The following VPS37A variants were observed in gnomAD, a reference collection of about 807,000 sequenced individuals.
VPS37A encodes the protein VPS37A subunit of ESCRT-I, also known as vacuolar protein sorting-associated protein 37A.
In VPS37A, 30 loss-of-function variants were observed where a neutral mutation model predicts 49.8. The observed-to-expected ratio is 0.60, with a 90% CI of 0.45 to 0.82. VPS37A has a LOEUF of 0.82. Among genes scored for constraint, VPS37A ranks in the 40% least tolerant of loss-of-function variants. The pLI, the probability that VPS37A is intolerant of heterozygous loss-of-function variation, is 0.00. For synonymous variants in VPS37A, 195 were observed against 160.6 expected (o/e 1.21, Z -1.62); for missense variants, 593 against 464.4 (o/e 1.28, Z -2.55).
chr8:17,271,885 C>T, intron 4 of VPS37A: 1 of 431,062 alleles, frequency 2.3e-6, no homozygotes, highest in South Asian at 1.7e-5. Flanking sequence ...ATTTGAGAAT[C>T]TTAGGGAAGC....
At chr8:17,273,166 C>A (rs928488898) in intron 4 of VPS37A, among the ~76,000 whole-genome samples, 1 of 148,828 alleles carries the variant, frequency 6.7e-6, no homozygotes, top group Non-Finnish European at 1.5e-5. Flanking sequence ...ATTATAATGT[C>A]TTTAGCAAGC....
chr8:17,308,194 A>G, the VPS37A span, among the ~76,000 whole-genome samples: 1 of 152,074 alleles, frequency 6.6e-6, no homozygotes, highest in Admixed American at 6.5e-5. Flanking sequence ...AAGGTTGCCT[A>G]ATATTAACGT....
At chr8:17,333,439 T>C in the VPS37A span, among the ~76,000 whole-genome samples, 88 of 152,360 alleles carry the variant, frequency 5.8e-4, no homozygotes, top group African/African-American at 2.0e-3. Flanking sequence ...ATAAAATTAA[T>C]AGGAGATTTG....
At chr8:17,326,228 C>G in the VPS37A span, 1 of 152,156 alleles carries the variant, frequency 6.6e-6, no homozygotes, top group African/African-American at 2.4e-5. Flanking sequence ...AATGGTGGTT[C>G]TACCACTTAC....
chr8:17,298,090 A>C (rs568483931), downstream of VPS37A: 2 of 152,196 alleles, frequency 1.3e-5, no homozygotes, highest in East Asian at 3.9e-4. Context: ...AACGGAAGAA[A>C]TTAAAGCCAC....
chr8:17,297,040 AT>A lies in VPS37A; in HGVS notation c.*2060del, dbSNP rs1345697933. On this transcript the variant is annotated 3_prime_UTR_variant, in exon 12 of 12. Coordinates refer to ENST00000324849, the MANE Select transcript of VPS37A (RefSeq NM_152415.3). ...TTTTTGCAACAGAGATTAAGTGACC[AT>A]TTTTTCTAATTTTATGGCTATATAT... The A allele has an allele frequency of 6.6e-6, 1 of 152,130 alleles. No individual in the cohort carries two copies. Among genetic ancestry groups the A allele is most frequent in the African/African-American group, 2.4e-5 (1 of 41,442 alleles). 9.4% of individuals were successfully genotyped at this position (152,130 alleles called of 1,614,324 possible).
In VPS37A at chr8:17,297,499, T is replaced by C. The variant is rs1259030962; in HGVS notation, c.*2513T>C. 1 of 152,102 alleles carries C rather than the reference T, an allele frequency of 6.6e-6. No homozygotes were observed. Among genetic ancestry groups the C allele is most frequent in the Non-Finnish European group, 1.5e-5 (1 of 67,958 alleles). 9.4% of individuals were successfully genotyped at this position (152,102 alleles called of 1,614,324 possible). On this transcript the variant is annotated 3_prime_UTR_variant, in exon 12 of 12. Coordinates refer to ENST00000324849, the MANE Select transcript of VPS37A (RefSeq NM_152415.3). ...ATGGTTTCTGTCTCTGATCATCACC[T>C]TCCATTCTATAAAAAGCTCAGTTAC...
chr8:17,274,990 C>T, intron 5 of VPS37A, 32 bp downstream of exon 5: 1 of 1,586,680 alleles, frequency 6.3e-7, no homozygotes, highest in South Asian at 1.1e-5. Context: ...TATTTTGTGC[C>T]ACTGAAACAT....
chr8:17,257,308 G>T (rs1219807122), intron 1 of VPS37A, among the ~76,000 whole-genome samples: 1 of 152,114 alleles, frequency 6.6e-6, no homozygotes, highest in Non-Finnish European at 1.5e-5. Context: ...ATGTGATTTG[G>T]TTACTATAAC....
intron 11 of VPS37A, among the ~76,000 whole-genome samples, chr8:17,293,062 GTCTC>G (rs1816292645): frequency 1.3e-5 from 2 of 152,068 alleles, no homozygotes; most frequent in African/African-American, 4.8e-5. Flanking sequence ...CTTGGTTCCA[GTCTC>G]TCTGTCACTT....
At chr8:17,256,630 TTTTATTTATTTATTTA>T (rs141925092) in intron 1 of VPS37A, among the ~76,000 whole-genome samples, 37 of 145,420 alleles carry the variant, frequency 2.5e-4, no homozygotes, top group East Asian at 8.2e-4. Flanking sequence ...GCTGTGTAGG[TTTTATTTATTTATTTA>T]TTTATTTATT....
chr8:17,301,474 A>C (rs905257783), downstream of VPS37A, among the ~76,000 whole-genome samples: 3 of 152,216 alleles, frequency 2.0e-5, no homozygotes, highest in Non-Finnish European at 2.9e-5. Flanking sequence ...ACAAGCAGCA[A>C]AAACCATTAA....
At chr8:17,330,120 T>A in the VPS37A span, among the ~76,000 whole-genome samples, 1 of 152,230 alleles carries the variant, frequency 6.6e-6, no homozygotes, top group South Asian at 2.1e-4. Flanking sequence ...GGAAACAGAA[T>A]GGAAATTAGG....
chr8:17,308,230 T>C, the VPS37A span, among the ~76,000 whole-genome samples: 1 of 152,092 alleles, frequency 6.6e-6, no homozygotes, highest in Admixed American at 6.5e-5. Flanking sequence ...AACAATTATC[T>C]AGCTGATCTT....
downstream of VPS37A, among the ~76,000 whole-genome samples, chr8:17,303,610 CTT>C (rs10589081): frequency 0.67 from 94,846 of 141,002 alleles, 32,310 homozygotes; most frequent in African/African-American, 0.84. Flanking sequence ...TACATACAAT[CTT>C]TTTTTTTTTT....
intron 1 of VPS37A, among the ~76,000 whole-genome samples, chr8:17,251,516 G>T (rs1811972977): frequency 6.6e-6 from 1 of 152,128 alleles, no homozygotes; most frequent in South Asian, 2.1e-4. Context: ...TTGCCTCTTA[G>T]CCTATAAGCT....
chr8:17,298,179 A>C (rs1816856716), downstream of VPS37A: 1 of 152,116 alleles, frequency 6.6e-6, no homozygotes, highest in Non-Finnish European at 1.5e-5. Context: ...TTATGTTATA[A>C]AAATGTGAAA....
At chr8:17,311,494 C>T in the VPS37A span, 1 of 1,613,968 alleles carries the variant, frequency 6.2e-7, no homozygotes, top group Non-Finnish European at 8.5e-7. Flanking sequence ...TGGGAATCGC[C>T]CAGTGGCCAC....
chr8:17,312,673 C>T, the VPS37A span, among the ~76,000 whole-genome samples: 1 of 151,492 alleles, frequency 6.6e-6, no homozygotes, highest in Non-Finnish European at 1.5e-5. Flanking sequence ...CACATCACAT[C>T]TGTAAAATCT....
Sources: allele counts gnomAD v4.1 joint callset (sites outside exome capture counted in the v4.1 genomes callset), GRCh38; gene constraint gnomAD v4.1.1; transcripts MANE v1.5; gene names NCBI Gene and HGNC (gene_info 2026-07-23, HGNC 2026-07-21).